Variants in GREM2 observed in about 807,000 individuals in gnomAD.
GREM2 encodes gremlin 2, DAN family BMP antagonist, also known as gremlin-2.
A neutral mutation model predicts 14.2 loss-of-function variants in GREM2; 11 were observed. The ratio of observed to expected loss-of-function variants is 0.78; its 90% CI spans 0.49 to 1.28. The LOEUF is 1.28. GREM2 is among the 50% of genes most tolerant of loss of function. GREM2 has a pLI of 0.00. For synonymous variants in GREM2, 98 were observed against 97.6 expected (o/e 1.00, Z -0.02); for missense variants, 210 against 218.5 (o/e 0.96, Z 0.24).
chr1:240,544,398 T>C (rs538788066), intron 1 of GREM2, among the ~76,000 whole-genome samples: 7 of 152,160 alleles, frequency 4.6e-5, no homozygotes, highest in South Asian at 2.1e-4. Flanking sequence ...CTGCCCGCCT[T>C]GGCCTCCCAA....
At chr1:240,565,767 A>G (rs1679166127) in intron 1 of GREM2, among the ~76,000 whole-genome samples, 1 of 149,526 alleles carries the variant, frequency 6.7e-6, no homozygotes, top group African/African-American at 2.5e-5. Flanking sequence ...AATTGCTTGA[A>G]CCTGGGAGGC....
rs138794894 is a variant in GREM2, at chr1:240,584,881, G to C, written c.-2+27003C>G. ...AGGGATGTGAGCATCCTCTGATTTTGGTATCCACAGAGGACCTAGAAACAA... is the reference window on the plus strand; with the variant it reads ...AGGGATGTGAGCATCCTCTGATTTTCGTATCCACAGAGGACCTAGAAACAA... On this transcript the variant is annotated intron_variant, in intron 1 of 1. Transcript: ENST00000318160. Among the ~76,000 whole-genome samples the C allele has an allele frequency of 7.8e-3, 1,180 of 152,178 alleles. 17 individuals are homozygous for C. The highest frequency in any genetic ancestry group is 0.027 in the African/African-American group (1,134 of 41,516).
Position 240,492,854 on chromosome 1 carries a change from CT to C in GREM2, c.*114del. 1 of 1,069,986 alleles carries C rather than the reference CT, an allele frequency of 9.3e-7. No individual in the cohort carries two copies. The highest frequency in any genetic ancestry group is 1.2e-6 in the Non-Finnish European group (1 of 824,778). 66.3% of individuals were successfully genotyped at this position (1,069,986 alleles called of 1,614,324 possible). A position where few individuals can be genotyped will look rare whatever the true frequency, so the allele number is the denominator to read the frequency against. ...TCAGCCCTAAGAGAAGTGCTTGCTG[CT>C]GAGGGGGAACACCAGGCAGCGTGAC... On this transcript the variant is annotated 3_prime_UTR_variant, in exon 2 of 2. Transcript: ENST00000318160.
At chr1:240,552,757 C>G (rs527332242) in intron 1 of GREM2, among the ~76,000 whole-genome samples, 1 of 152,102 alleles carries the variant, frequency 6.6e-6, no homozygotes. Context: ...TCCTTCTAAC[C>G]GATTTTGGTG....
At chr1:240,507,797 T>C (rs970004179) in intron 1 of GREM2, among the ~76,000 whole-genome samples, 10 of 65,802 alleles carry the variant, frequency 1.5e-4, no homozygotes, top group African/African-American at 5.3e-4. Flanking sequence ...AGGGTGGGGG[T>C]GGGAGGGAAA....
intron 1 of GREM2, among the ~76,000 whole-genome samples, chr1:240,503,151 CACTGTACTCAGCAGCCCTGGA>C (rs1677605893): frequency 6.6e-6 from 1 of 152,182 alleles, no homozygotes; most frequent in Non-Finnish European, 1.5e-5. Context: ...GTTATTAAGC[CACTGTACTCAGCAGCCCTGGA>C]ACTGCTTACC....
At chr1:240,559,540 C>T (rs768635395) in intron 1 of GREM2, among the ~76,000 whole-genome samples, 6 of 151,900 alleles carry the variant, frequency 3.9e-5, no homozygotes, top group African/African-American at 1.2e-4. Context: ...GATGGGATTT[C>T]GCCATGTTGA....
At chr1:240,561,737 G>A (rs957518846) in intron 1 of GREM2, among the ~76,000 whole-genome samples, 6 of 145,010 alleles carry the variant, frequency 4.1e-5, no homozygotes, top group Admixed American at 6.8e-5. Context: ...AACTGCCATA[G>A]GAACTGTGAA....
chr1:240,576,571 T>A (rs996192282), intron 1 of GREM2, among the ~76,000 whole-genome samples: 4 of 152,132 alleles, frequency 2.6e-5, no homozygotes, highest in African/African-American at 9.7e-5. Flanking sequence ...TCCCAAAGGC[T>A]GCCAAACAAC....
intron 1 of GREM2, among the ~76,000 whole-genome samples, chr1:240,502,593 T>C (rs970884588): frequency 2.0e-5 from 3 of 152,166 alleles, no homozygotes; most frequent in Non-Finnish European, 2.9e-5. Context: ...ATTCCCCAAA[T>C]GTCCTGTAGG....
chr1:240,580,444 A>G (rs1201732788), intron 1 of GREM2, among the ~76,000 whole-genome samples: 4 of 152,226 alleles, frequency 2.6e-5, no homozygotes, highest in Non-Finnish European at 5.9e-5. Context: ...ATGCCTTATC[A>G]AGATATATGT....
At chr1:240,586,644 A>C (rs1005804141) in intron 1 of GREM2, among the ~76,000 whole-genome samples, 2 of 152,130 alleles carry the variant, frequency 1.3e-5, no homozygotes, top group African/African-American at 4.8e-5. Context: ...CAAATAACCA[A>C]ACTGCATGTA....
chr1:240,525,635 C>A (rs953383852), intron 1 of GREM2, among the ~76,000 whole-genome samples: 1 of 152,216 alleles, frequency 6.6e-6, no homozygotes, highest in Non-Finnish European at 1.5e-5. Context: ...TGCACCACCA[C>A]ACCTGGCTAA....
intron 1 of GREM2, among the ~76,000 whole-genome samples, chr1:240,526,249 C>T (rs1164783957): frequency 6.6e-6 from 1 of 152,132 alleles, no homozygotes; most frequent in Admixed American, 6.6e-5. Context: ...GATTCAGATA[C>T]CCAGGTGGTG....
At chr1:240,551,896 C>A (rs1040830675) in intron 1 of GREM2, among the ~76,000 whole-genome samples, 1 of 152,090 alleles carries the variant, frequency 6.6e-6, no homozygotes, top group Admixed American at 6.5e-5. Flanking sequence ...AGAGATTATG[C>A]CAACCTTCCT....
intron 1 of GREM2, among the ~76,000 whole-genome samples, chr1:240,548,947 A>T (rs16840352): frequency 2.0e-5 from 3 of 152,162 alleles, no homozygotes; most frequent in Non-Finnish European, 4.4e-5. Context: ...TAATGACTGA[A>T]CAAAAGATCT....
chr1:240,561,124 AT>A (rs896267020), intron 1 of GREM2, among the ~76,000 whole-genome samples: 1 of 152,018 alleles, frequency 6.6e-6, no homozygotes, highest in Non-Finnish European at 1.5e-5. Flanking sequence ...GAGTGTGGAA[AT>A]TTTTTTTCAA....
At chr1:240,589,366 C>T (rs1484951200) in intron 1 of GREM2, among the ~76,000 whole-genome samples, 1 of 149,770 alleles carries the variant, frequency 6.7e-6, no homozygotes, top group East Asian at 2.0e-4. Context: ...ACCCGGGAGG[C>T]AGAGGTTGTG....
At chr1:240,572,196 A>G (rs904228494) in intron 1 of GREM2, among the ~76,000 whole-genome samples, 1 of 152,210 alleles carries the variant, frequency 6.6e-6, no homozygotes, top group Non-Finnish European at 1.5e-5. Context: ...TTTTTTTTAT[A>G]TTAAAAAGAT....
Sources: allele counts gnomAD v4.1 joint callset (sites outside exome capture counted in the v4.1 genomes callset), GRCh38; gene constraint gnomAD v4.1.1; transcripts MANE v1.5; gene names NCBI Gene and HGNC (gene_info 2026-07-23, HGNC 2026-07-21).